TIMM17A: variants seen among roughly 807,000 people sequenced by gnomAD.
TIMM17A encodes translocase of inner mitochondrial membrane 17A.
A neutral mutation model predicts 26.5 loss-of-function variants in TIMM17A; 15 were observed. The observed-to-expected ratio is 0.57, with a 90% CI of 0.38 to 0.87. The LOEUF (loss-of-function observed/expected upper bound fraction) is 0.87. Ranked by LOEUF, TIMM17A falls within the 40% of genes least tolerant of loss-of-function variation. TIMM17A has a pLI of 0.00. For synonymous variants in TIMM17A, 80 were observed against 70.8 expected, an observed-to-expected ratio of 1.13 and a Z score of -0.66; for missense variants, 201 against 210.0, an observed-to-expected ratio of 0.96 and a Z score of 0.27.
At position 201,963,642 on chromosome 1, in the gene TIMM17A, T is replaced by C; in HGVS notation, c.217T>C (p.Phe73Leu). The change falls in exon 4 of 6, where the codon TTT (phenylalanine) becomes CTT (leucine). Residue 73 changes from phenylalanine to leucine, a missense_variant. Physicochemically the swap from Phe to Leu is conservative, Grantham distance 22 (BLOSUM62 0). Coordinates refer to ENST00000367287, the MANE Select transcript of TIMM17A (RefSeq NM_006335.3). ...GGSFAVWGGL[F>L]SMIDCSMVQV... ...TAGCTTTGCAGTTTGGGGAGGGCTG[T>C]TTTCCATGATTGACTGTAGTATGGT... is the stretch of plus-strand genomic sequence containing the variant. 6.2e-7 allele frequency: 1 copy of C among 1,606,282 alleles called. No individual in the cohort carries two copies. The highest frequency in any genetic ancestry group is 8.5e-7 in the Non-Finnish European group (1 of 1,178,150).
At chr1:201,965,084 T>C (rs1682605357) in intron 4 of TIMM17A, among the ~76,000 whole-genome samples, 1 of 152,104 alleles carries the variant, frequency 6.6e-6, no homozygotes, top group South Asian at 2.1e-4. Flanking sequence ...CCTGAGAAGC[T>C]GGGACTACAG....
At chr1:201,965,315 A>G in intron 4 of TIMM17A, 118 bp from the exon 5 acceptor site, 1 of 706,072 alleles carries the variant, frequency 1.4e-6, no homozygotes, top group South Asian at 1.8e-5. Context: ...TTAGGCAATA[A>G]GAAAGAGTTT....
rs553932176 is a variant in TIMM17A at position 201,959,087 on chromosome 1, G to A, written c.190+1513G>A. Among the ~76,000 whole-genome samples, 21 of 152,332 alleles carry A rather than the reference G, an allele frequency of 1.4e-4. 1 individual carries two copies. The South Asian group carries it at 4.4e-3, about 32-fold the overall frequency. ...CTCTAGTATATGCAGAAGCCATATA[G>A]GTTTTTGCTTGTTTTTTGAGAGGCT... On this transcript the variant is annotated intron_variant, in intron 3 of 5. Transcript: ENST00000367287.
rs59893489 is a variant in TIMM17A, at chr1:201,967,015, G to GTGTGTA, written c.430+1473_430+1474insGTGTAT. On this transcript the variant is annotated intron_variant, in intron 5 of 5. Coordinates refer to ENST00000367287, the MANE Select transcript of TIMM17A (RefSeq NM_006335.3). ...GTTGTGTGTGTGTGTGTGTGTGTGTGTATATATATATAGTGAGGATAGTAG... is the reference window on the plus strand; with the variant it reads ...GTTGTGTGTGTGTGTGTGTGTGTGTGTGTGTATATATATATATAGTGAGGATAGTAG... Among the ~76,000 whole-genome samples the GTGTGTA allele has an allele frequency of 3.3e-3, 390 of 118,820 alleles. 2 individuals carry two copies. Among genetic ancestry groups the GTGTGTA allele is most frequent in the African/African-American group, 7.0e-3 (222 of 31,738 alleles). The allele number at this position is 118,820 out of a possible 152,430, so 78.0% of individuals were successfully genotyped here. A position where few individuals can be genotyped will look rare whatever the true frequency, so the allele number is the denominator to read the frequency against.
intron 5 of TIMM17A, among the ~76,000 whole-genome samples, chr1:201,968,071 A>G (rs1357496604): frequency 6.6e-6 from 1 of 152,128 alleles, no homozygotes; most frequent in Non-Finnish European, 1.5e-5. Flanking sequence ...ATCTCAGCTT[A>G]CTGCACCCTC....
At chr1:201,962,069 C>T (rs1027620365) in intron 3 of TIMM17A, 5 of 152,082 alleles carry the variant, frequency 3.3e-5, no homozygotes, top group African/African-American at 1.2e-4. Context: ...GACTCAAATT[C>T]TCCATTCTCA....
intron 3 of TIMM17A, among the ~76,000 whole-genome samples, chr1:201,960,826 G>T (rs1340131424): frequency 6.6e-6 from 1 of 151,714 alleles, no homozygotes; most frequent in African/African-American, 2.4e-5. Context: ...TTGGCTCACT[G>T]CAACCTCCGC....
At chr1:201,960,679 G>C (rs1682507249) in intron 3 of TIMM17A, among the ~76,000 whole-genome samples, 1 of 152,106 alleles carries the variant, frequency 6.6e-6, no homozygotes, top group Non-Finnish European at 1.5e-5. Flanking sequence ...GTGAGCATTT[G>C]CTAAGGTATT....
At chr1:201,956,076 T>C (rs1682404299) in intron 1 of TIMM17A, among the ~76,000 whole-genome samples, 1 of 152,184 alleles carries the variant, frequency 6.6e-6, no homozygotes. Flanking sequence ...CTGGATAAGC[T>C]TCTTTATTGC....
chr1:201,960,311 A>C (rs1166744172), intron 3 of TIMM17A, among the ~76,000 whole-genome samples: 1 of 151,986 alleles, frequency 6.6e-6, no homozygotes, highest in African/African-American at 2.4e-5. Flanking sequence ...GAGGGAGAAG[A>C]ATCGCTTGAG....
At chr1:201,955,642 A>C (rs992281170) in intron 1 of TIMM17A, 90 bp downstream of exon 1, 1 of 1,570,886 alleles carries the variant, frequency 6.4e-7, no homozygotes, top group Non-Finnish European at 8.7e-7. Context: ...TGCAAGCCAG[A>C]CTCAACCGCA....
intron 3 of TIMM17A, among the ~76,000 whole-genome samples, chr1:201,960,369 T>C (rs1202469156): frequency 1.3e-5 from 2 of 151,840 alleles, no homozygotes; most frequent in Non-Finnish European, 2.9e-5. Flanking sequence ...CATTGCACTC[T>C]AGCCTGGGCA....
chr1:201,966,565 G>A (rs1306338986), intron 5 of TIMM17A, among the ~76,000 whole-genome samples: 1 of 151,870 alleles, frequency 6.6e-6, no homozygotes, highest in Non-Finnish European at 1.5e-5. Context: ...TGAGGTGGCC[G>A]GGCACGGTGG....
chr1:201,963,100 AG>A (rs1682563556), intron 3 of TIMM17A: 1 of 152,934 alleles, frequency 6.5e-6, no homozygotes, highest in Non-Finnish European at 1.5e-5. Flanking sequence ...TTTGAGATGG[AG>A]TGTCGCTCTT....
In TIMM17A at chr1:201,969,687, C is replaced by A; in HGVS notation, c.*133C>A. ...CAATAGGCTATAAAGAGACATTTAG[C>A]ACTTTTTTCTATTTAAAGGAACAAG... On this transcript the variant is annotated 3_prime_UTR_variant, in exon 6 of 6. Coordinates refer to ENST00000367287, the MANE Select transcript of TIMM17A (RefSeq NM_006335.3). 1 of 649,676 alleles carries A rather than the reference C, an allele frequency of 1.5e-6. No homozygotes were observed. The highest frequency in any genetic ancestry group is 2.6e-6 in the Non-Finnish European group (1 of 380,756). The allele number at this position is 649,676 out of a possible 1,614,324, so 40.2% of individuals were successfully genotyped here.
chr1:201,969,557 C>T lies in TIMM17A; in HGVS notation c.*3C>T. 6.2e-7 allele frequency: 1 copy of T among 1,608,826 alleles called. No homozygotes were observed. Among genetic ancestry groups the T allele is most frequent in the Non-Finnish European group, 8.5e-7 (1 of 1,175,868 alleles). ...GAGACTATCGACAATATCAGTAGGA[C>T]TTCTTTCCTAGGATTTCTTTAACAG... On this transcript the variant is annotated 3_prime_UTR_variant, in exon 6 of 6. Coordinates refer to ENST00000367287, the MANE Select transcript of TIMM17A (RefSeq NM_006335.3).
intron 3 of TIMM17A, among the ~76,000 whole-genome samples, chr1:201,959,926 G>A (rs1028606704): frequency 6.6e-6 from 1 of 151,878 alleles, no homozygotes; most frequent in African/African-American, 2.4e-5. Context: ...GCTGAACCCG[G>A]GAGGCGGAAC....
chr1:201,965,294 G>T, intron 4 of TIMM17A, 139 bp from the exon 5 acceptor site: 1 of 630,410 alleles, frequency 1.6e-6, no homozygotes, highest in South Asian at 2.0e-5. Context: ...GTAGTTTACT[G>T]ACTCTGGGTC....
At position 201,969,508 on chromosome 1, in the gene TIMM17A, C is replaced by G; in HGVS notation, c.470C>G (p.Thr157Ser). ...FAEDPSQLPS[T>S]QLPSSPFGDY... ...GAAGACCCCTCCCAGTTGCCTTCAA[C>G]TCAGTTACCTTCCTCACCTTTTGGA... The change falls in exon 6 of 6, where the codon ACT becomes AGT. Residue 157 changes from threonine to serine, a missense_variant. Coordinates refer to ENST00000367287, the MANE Select transcript of TIMM17A (RefSeq NM_006335.3). 1 of 1,614,052 alleles carries G rather than the reference C, an allele frequency of 6.2e-7. No individual in the cohort carries two copies. Among genetic ancestry groups the G allele is most frequent in the Non-Finnish European group, 8.5e-7 (1 of 1,179,970 alleles).
Sources: gnomAD v4.1 joint callset for allele counts (sites outside exome capture counted in the v4.1 genomes callset) on GRCh38, gnomAD v4.1.1 for gene constraint, MANE v1.5 for transcripts, NCBI Gene and HGNC (gene_info 2026-07-23, HGNC 2026-07-21) for gene names.